ZDHHC13: variants seen among roughly 807,000 people sequenced by gnomAD.
The protein encoded by ZDHHC13 is palmitoyltransferase ZDHHC13.
In ZDHHC13, 85 loss-of-function variants were observed where a neutral mutation model predicts 86.0. The ratio of observed to expected loss-of-function variants is 0.99; its 90% CI spans 0.83 to 1.18. The LOEUF is 1.18. ZDHHC13 is among the 50% of genes most tolerant of loss of function. ZDHHC13 has a pLI of 0.00. For synonymous variants in ZDHHC13, 263 were observed against 246.4 expected, an observed-to-expected ratio of 1.07 and a Z score of -0.63; for missense variants, 711 against 730.2, an observed-to-expected ratio of 0.97 and a Z score of 0.30.
intron 14 of ZDHHC13, chr11:19,167,882 T>C (rs7942746): frequency 6.6e-6 from 1 of 152,262 alleles, no homozygotes; most frequent in Admixed American, 6.5e-5. Flanking sequence ...GGCACCATCA[T>C]GGCTCACTGC....
intron 1 of ZDHHC13, among the ~76,000 whole-genome samples, chr11:19,121,810 G>A (rs1163914244): frequency 6.6e-6 from 1 of 152,186 alleles, no homozygotes; most frequent in African/African-American, 2.4e-5. Flanking sequence ...CTTTATGGGT[G>A]TATTGATATG....
At chr11:19,156,486 A>G (rs1849758895) in intron 9 of ZDHHC13, among the ~76,000 whole-genome samples, 2 of 152,210 alleles carry the variant, frequency 1.3e-5, no homozygotes. Flanking sequence ...ACAGTCTGAC[A>G]TTGAACAAGT....
At chr11:19,123,263 A>C (rs7938838) in intron 1 of ZDHHC13, among the ~76,000 whole-genome samples, 6,610 of 152,262 alleles carry the variant, frequency 0.043, 259 homozygotes, top group East Asian at 0.21. Context: ...AATGCCTTAA[A>C]ATAGTATAAG....
intron 12 of ZDHHC13, chr11:19,164,690 C>G: frequency 2.4e-6 from 1 of 411,974 alleles, no homozygotes; most frequent in Non-Finnish European, 4.4e-6. Flanking sequence ...TGAAACCTCT[C>G]ATTTTGCAAT....
intron 1 of ZDHHC13, among the ~76,000 whole-genome samples, chr11:19,140,632 C>T (rs1234898541): frequency 6.6e-6 from 1 of 152,030 alleles, no homozygotes; most frequent in Non-Finnish European, 1.5e-5. Context: ...TTTATTGCGG[C>T]ATTATTCACA....
At chr11:19,135,773 T>C in intron 1 of ZDHHC13, among the ~76,000 whole-genome samples, 1 of 152,220 alleles carries the variant, frequency 6.6e-6, no homozygotes. Flanking sequence ...CCTCTGACCC[T>C]TGAGCAGCCT....
intron 1 of ZDHHC13, among the ~76,000 whole-genome samples, chr11:19,135,834 G>A (rs990739393): frequency 6.6e-6 from 1 of 152,136 alleles, no homozygotes; most frequent in African/African-American, 2.4e-5. Flanking sequence ...ACATGGCCGG[G>A]TACTCCAACA....
At chr11:19,138,951 A>C (rs1849228063) in intron 1 of ZDHHC13, among the ~76,000 whole-genome samples, 1 of 151,824 alleles carries the variant, frequency 6.6e-6, no homozygotes, top group Non-Finnish European at 1.5e-5. Flanking sequence ...ACCCACAGCC[A>C]ATATCATACT....
chr11:19,123,116 C>A (rs1848793039), intron 1 of ZDHHC13, among the ~76,000 whole-genome samples: 2 of 152,098 alleles, frequency 1.3e-5, no homozygotes, highest in Non-Finnish European at 2.9e-5. Context: ...TCTTATATGC[C>A]CTTAGCGTAA....
intron 1 of ZDHHC13, among the ~76,000 whole-genome samples, chr11:19,125,120 T>C: frequency 6.6e-6 from 1 of 152,144 alleles, no homozygotes; most frequent in Non-Finnish European, 1.5e-5. Flanking sequence ...AATTGATAAA[T>C]TGGACTTTTT....
chr11:19,172,963 C>A lies in ZDHHC13; in HGVS notation c.1730+143C>A, dbSNP rs1055132469. 7 of 667,378 alleles carry A rather than the reference C, an allele frequency of 1.0e-5. No individual in the cohort carries two copies. In the African/African-American group the frequency reaches 1.3e-4, roughly 12 times the overall value. The allele number at this position is 667,378 out of a possible 1,614,324, so 41.3% of individuals were successfully genotyped here. A position where few individuals can be genotyped will look rare whatever the true frequency, so the allele number is the denominator to read the frequency against. On this transcript the variant is annotated intron_variant, in intron 16 of 16. Coordinates refer to ENST00000446113, the MANE Select transcript of ZDHHC13 (RefSeq NM_019028.3). ...GTTGACCCCCCTTTTCTTAGAGAAG[C>A]TTTAGTGATGGGGTGAGTGGTAAAG... is the stretch of plus-strand genomic sequence containing the variant.
chr11:19,165,738 C>T (rs542103949), intron 13 of ZDHHC13, among the ~76,000 whole-genome samples: 2 of 152,146 alleles, frequency 1.3e-5, no homozygotes, highest in Admixed American at 6.5e-5. Flanking sequence ...TTTCTGTGTT[C>T]CCCCTGATTA....
At position 19,146,198 on chromosome 11, in the gene ZDHHC13, G is replaced by A. The variant is rs777981843; in HGVS notation, c.191G>A (p.Arg64Gln). 27 of 1,596,954 alleles carry A rather than the reference G, an allele frequency of 1.7e-5. No individual in the cohort carries two copies. Among genetic ancestry groups the A allele is most frequent in the South Asian group, 8.1e-5 (7 of 86,904 alleles). The change falls in exon 3 of 17, where the codon CGA becomes CAA. Residue 64 changes from arginine (R) to glutamine (Q), a missense_variant. Physicochemically the swap from Arg to Gln is conservative, Grantham distance 43. Coordinates refer to ENST00000446113, the MANE Select transcript of ZDHHC13 (RefSeq NM_019028.3). ...TCTTTGAGATACGGAATTTTTGAAC[G>A]ATGTAAAGAGTTGGTAGAAGCAGGA... ...VKATQYGIFE[R>Q]CKELVEAGYD... is the part of the protein sequence containing the mutation.
chr11:19,143,265 C>T lies in ZDHHC13; in HGVS notation c.173+142C>T, dbSNP rs144193857. On this transcript the variant is annotated intron_variant, in intron 2 of 16. Coordinates refer to ENST00000446113, the MANE Select transcript of ZDHHC13 (RefSeq NM_019028.3). ...ACCAGCACCAGTATATTTGTCATACCAACACCACAGTACTTAGTACAGTGT... is the reference window on the plus strand; with the variant it reads ...ACCAGCACCAGTATATTTGTCATACTAACACCACAGTACTTAGTACAGTGT... The T allele has an allele frequency of 8.7e-4, 770 of 885,702 alleles. 21 individuals carry two copies. The East Asian group carries it at 0.021, about 24-fold the overall frequency. The allele number at this position is 885,702 out of a possible 1,614,324, so 54.9% of individuals were successfully genotyped here.
At chr11:19,118,395 A>C (rs79773321) in intron 1 of ZDHHC13, among the ~76,000 whole-genome samples, 6,609 of 152,270 alleles carry the variant, frequency 0.043, 257 homozygotes, top group East Asian at 0.21. Flanking sequence ...GTTATTCTTG[A>C]ATTTTAACAG....
chr11:19,144,235 T>G (rs973548582), intron 2 of ZDHHC13, among the ~76,000 whole-genome samples: 4 of 152,186 alleles, frequency 2.6e-5, no homozygotes, highest in Non-Finnish European at 5.9e-5. Context: ...TTAATTAGGA[T>G]GCAAACATTT....
At chr11:19,138,036 GC>G (rs1849195507) in intron 1 of ZDHHC13, among the ~76,000 whole-genome samples, 1 of 150,448 alleles carries the variant, frequency 6.6e-6, no homozygotes, top group African/African-American at 2.5e-5. Context: ...TCAAAAGCTA[GC>G]AGAAGGCAAG....
intron 16 of ZDHHC13, among the ~76,000 whole-genome samples, chr11:19,175,389 C>CAAAAAAAAAAAAAAAAA (rs58806796): frequency 6.6e-4 from 37 of 56,376 alleles, no homozygotes; most frequent in Admixed American, 1.9e-3. Flanking sequence ...GACTCCGTCT[C>CAAAAAAAAAAAAAAAAA]AAAAAAAAAA....
intron 14 of ZDHHC13, chr11:19,170,021 A>T (rs1272309333): frequency 3.0e-6 from 3 of 1,012,900 alleles, no homozygotes; most frequent in Non-Finnish European, 3.5e-6. Context: ...TGAATGCTTA[A>T]TAAGAGTTTA....
Sources: gnomAD v4.1 joint callset for allele counts (sites outside exome capture counted in the v4.1 genomes callset) on GRCh38, gnomAD v4.1.1 for gene constraint, MANE v1.5 for transcripts, NCBI Gene and HGNC (gene_info 2026-07-23, HGNC 2026-07-21) for gene names.